Variants in ROBO1 observed in about 807,000 individuals in gnomAD.
ROBO1 encodes the protein roundabout guidance receptor 1.
ROBO1 carries 149 observed loss-of-function variants against 195.9 expected under a neutral mutation model. That is an observed-to-expected ratio of 0.76 (90% CI 0.67 to 0.87). ROBO1 has a LOEUF of 0.87. Ranked by LOEUF, ROBO1 falls within the 40% of genes least tolerant of loss-of-function variation. The pLI is 0.00. For synonymous variants in ROBO1, 816 were observed against 733.2 expected (o/e 1.11, Z -1.82); for missense variants, 1,933 against 2,068.3 (o/e 0.93, Z 1.27).
At chr3:79,692,986 G>T (rs1221225009) in intron 1 of ROBO1, among the ~76,000 whole-genome samples, 1 of 151,764 alleles carries the variant, frequency 6.6e-6, no homozygotes, top group Non-Finnish European at 1.5e-5. Context: ...TAACAAATGT[G>T]TTTTGACTTT....
chr3:78,800,106 A>G (rs2084319141), intron 4 of ROBO1, among the ~76,000 whole-genome samples: 1 of 152,198 alleles, frequency 6.6e-6, no homozygotes, highest in Non-Finnish European at 1.5e-5. Flanking sequence ...AGAGGATTTT[A>G]TCATGGCATT....
chr3:78,884,336 G>C (rs1342944581), intron 4 of ROBO1, among the ~76,000 whole-genome samples: 1 of 152,090 alleles, frequency 6.6e-6, no homozygotes, highest in Non-Finnish European at 1.5e-5. Flanking sequence ...TCCAGGCTGG[G>C]TGTGGTGGCT....
At chr3:79,390,479 T>A (rs778792530) in intron 2 of ROBO1, among the ~76,000 whole-genome samples, 16 of 151,868 alleles carry the variant, frequency 1.1e-4, no homozygotes, top group Non-Finnish European at 2.2e-4. Flanking sequence ...AAAGAAGACA[T>A]ATGAAAAGGA....
At chr3:78,967,817 T>C (rs762825770) in intron 3 of ROBO1, among the ~76,000 whole-genome samples, 4 of 152,130 alleles carry the variant, frequency 2.6e-5, no homozygotes, top group Non-Finnish European at 5.9e-5. Flanking sequence ...GGATAACTAG[T>C]CTTAAATTAG....
intron 3 of ROBO1, chr3:79,018,711 C>A (rs1380761028): frequency 7.6e-7 from 1 of 1,323,874 alleles, no homozygotes; most frequent in Non-Finnish European, 9.7e-7. Context: ...GAGGCTCAGA[C>A]ACTTTCAAGA....
chr3:79,518,017 C>G (rs916342648), intron 2 of ROBO1, among the ~76,000 whole-genome samples: 1 of 152,026 alleles, frequency 6.6e-6, no homozygotes, highest in Non-Finnish European at 1.5e-5. Context: ...GGTAAGAGAG[C>G]GGAAGGAATG....
intron 4 of ROBO1, among the ~76,000 whole-genome samples, chr3:78,796,418 T>C (rs542246232): frequency 1.3e-4 from 14 of 108,900 alleles, no homozygotes; most frequent in African/African-American, 5.1e-4. Context: ...ACACATTCTT[T>C]GCTTGGGTCT....
intron 3 of ROBO1, among the ~76,000 whole-genome samples, chr3:79,069,055 T>G (rs1201172695): frequency 6.6e-6 from 1 of 151,922 alleles, no homozygotes; most frequent in African/African-American, 2.4e-5. Context: ...GTTTACTTTT[T>G]GATCACTTCT....
chr3:79,764,284 G>C (rs927029675), intron 1 of ROBO1, among the ~76,000 whole-genome samples: 3 of 152,104 alleles, frequency 2.0e-5, no homozygotes, highest in Non-Finnish European at 2.9e-5. Flanking sequence ...TATATTTTAG[G>C]TACAAATATG....
intron 19 of ROBO1, among the ~76,000 whole-genome samples, chr3:78,648,984 A>G (rs1050311388): frequency 9.2e-5 from 14 of 152,158 alleles, no homozygotes; most frequent in Middle Eastern, 3.4e-3. Flanking sequence ...TGTGTCCCCA[A>G]TTTATACCCT....
At chr3:79,519,766 C>T (rs75657367) in intron 2 of ROBO1, among the ~76,000 whole-genome samples, 1 of 151,834 alleles carries the variant, frequency 6.6e-6, no homozygotes, top group Non-Finnish European at 1.5e-5. Context: ...CTGATGTCTT[C>T]GCAAAATTAG....
intron 3 of ROBO1, among the ~76,000 whole-genome samples, chr3:78,975,625 G>C (rs2076870440): frequency 6.6e-6 from 1 of 152,090 alleles, no homozygotes; most frequent in Admixed American, 6.6e-5. Context: ...AGTAGAGCCA[G>C]ACATAAAAAC....
chr3:79,228,995 G>T lies in ROBO1; in HGVS notation c.89-103456C>A, dbSNP rs2082274383. ...AACAACAGTAAAGATGGTCTAGTTA[G>T]TATTCCATAAAATGTTTTTTCAAAA... On this transcript the variant is annotated intron_variant, in intron 2 of 30. Transcript: ENST00000464233. Among the ~76,000 whole-genome samples the T allele has an allele frequency of 3.9e-5, 6 of 152,094 alleles. No individual in the cohort carries two copies. The South Asian group carries it at 1.2e-3, about 31-fold the overall frequency.
At chr3:78,945,372 G>A (rs1297290167) in intron 3 of ROBO1, among the ~76,000 whole-genome samples, 1 of 152,150 alleles carries the variant, frequency 6.6e-6, no homozygotes, top group Non-Finnish European at 1.5e-5. Context: ...AATATATGCT[G>A]TTCTGCAGAC....
At chr3:79,156,947 C>A (rs1161606797) in intron 2 of ROBO1, among the ~76,000 whole-genome samples, 3 of 151,790 alleles carry the variant, frequency 2.0e-5, no homozygotes, top group Admixed American at 6.6e-5. Context: ...GTTATGGATT[C>A]TTTCAGAGAG....
At chr3:78,601,930 T>G (rs1486230663) in intron 29 of ROBO1, among the ~76,000 whole-genome samples, 1 of 152,108 alleles carries the variant, frequency 6.6e-6, no homozygotes, top group African/African-American at 2.4e-5. Context: ...GCACCACAGA[T>G]ATGCTGATGC....
chr3:79,284,043 C>T (rs973593147), intron 2 of ROBO1, among the ~76,000 whole-genome samples: 5 of 151,546 alleles, frequency 3.3e-5, no homozygotes, highest in Non-Finnish European at 7.4e-5. Context: ...AGTTCTGGGT[C>T]GCTGGTGGAT....
intron 2 of ROBO1, among the ~76,000 whole-genome samples, chr3:79,240,464 C>A (rs529795734): frequency 1.4e-4 from 21 of 152,178 alleles, no homozygotes; most frequent in African/African-American, 5.1e-4. Context: ...GCTTGATCAT[C>A]CAGTTTATTA....
At chr3:79,357,531 CA>C (rs1364248928) in intron 2 of ROBO1, among the ~76,000 whole-genome samples, 1 of 151,938 alleles carries the variant, frequency 6.6e-6, no homozygotes, top group African/African-American at 2.4e-5. Context: ...CTCAGTTACA[CA>C]AGAAAAAAAT....
Sources: gnomAD v4.1 joint callset for allele counts (sites outside exome capture counted in the v4.1 genomes callset) on GRCh38, gnomAD v4.1.1 for gene constraint, MANE v1.5 for transcripts, NCBI Gene and HGNC (gene_info 2026-07-23, HGNC 2026-07-21) for gene names.